RHOJ: variants seen among roughly 807,000 people sequenced by gnomAD.
The protein encoded by RHOJ is ras homolog family member J, also known as rho-related GTP-binding protein RhoJ.
RHOJ carries 11 observed loss-of-function variants against 23.4 expected under a neutral mutation model. The ratio of observed to expected loss-of-function variants is 0.47; its 90% confidence interval spans 0.30 to 0.78. The LOEUF is 0.78. RHOJ is among the 30% of genes least tolerant of loss of function. RHOJ has a pLI of 0.08. For synonymous variants in RHOJ, 102 were observed against 102.7 expected, an observed-to-expected ratio of 0.99 and a Z score of 0.04; for missense variants, 254 against 273.4, an observed-to-expected ratio of 0.93 and a Z score of 0.50.
At chr14:63,219,644 T>C (rs11625114) in intron 1 of RHOJ, among the ~76,000 whole-genome samples, 110,480 of 151,850 alleles carry the variant, frequency 0.73, 43,366 homozygotes, top group Middle Eastern at 0.9. Flanking sequence ...GGTGAAACCC[T>C]GTCTCTACTA....
intron 2 of RHOJ, among the ~76,000 whole-genome samples, chr14:63,280,158 G>T (rs575961010): frequency 6.6e-6 from 1 of 152,218 alleles, no homozygotes; most frequent in Admixed American, 6.5e-5. Context: ...TGAGTAGCTG[G>T]GACTACAGGC....
chr14:63,214,148 C>T (rs1181473004), intron 1 of RHOJ, among the ~76,000 whole-genome samples: 2 of 152,182 alleles, frequency 1.3e-5, no homozygotes, highest in Non-Finnish European at 2.9e-5. Context: ...CCCAGACTTG[C>T]CTGGCCATAA....
chr14:63,254,272 T>A (rs142624922), intron 1 of RHOJ, among the ~76,000 whole-genome samples: 1 of 152,130 alleles, frequency 6.6e-6, no homozygotes, highest in Non-Finnish European at 1.5e-5. Flanking sequence ...CTGGGTCTCC[T>A]GGCATGCACA....
chr14:63,234,249 G>A (rs1481309317), intron 1 of RHOJ, among the ~76,000 whole-genome samples: 1 of 152,162 alleles, frequency 6.6e-6, no homozygotes, highest in Non-Finnish European at 1.5e-5. Context: ...AGCATACAGT[G>A]GGTCAAGCAT....
At chr14:63,270,186 T>C (rs1037240624) in intron 2 of RHOJ, among the ~76,000 whole-genome samples, 8 of 149,734 alleles carry the variant, frequency 5.3e-5, no homozygotes, top group Admixed American at 1.3e-4. Context: ...TTTTTTTTTT[T>C]CACAATTGTT....
intron 1 of RHOJ, among the ~76,000 whole-genome samples, chr14:63,217,221 A>C (rs991614137): frequency 1.4e-5 from 2 of 145,842 alleles, no homozygotes; most frequent in Non-Finnish European, 3.1e-5. Context: ...ATATCTCCCA[A>C]TGCTATCCCT....
chr14:63,276,553 A>G (rs1439724139), intron 2 of RHOJ, among the ~76,000 whole-genome samples: 1 of 152,182 alleles, frequency 6.6e-6, no homozygotes, highest in Non-Finnish European at 1.5e-5. Context: ...AGTGCTACGC[A>G]TTCAGTAGGC....
intron 1 of RHOJ, among the ~76,000 whole-genome samples, chr14:63,268,230 T>C (rs1468206383): frequency 1.3e-5 from 2 of 152,282 alleles, no homozygotes. Context: ...TTTTTGGAAA[T>C]TTAAATTTGC....
intron 1 of RHOJ, among the ~76,000 whole-genome samples, chr14:63,267,057 G>A (rs2139653262): frequency 6.6e-6 from 1 of 152,278 alleles, no homozygotes; most frequent in Non-Finnish European, 1.5e-5. Context: ...ATGCTCCATG[G>A]CAGGAAGAAT....
At chr14:63,286,764 C>T (rs1306440412) in intron 4 of RHOJ, among the ~76,000 whole-genome samples, 1 of 152,182 alleles carries the variant, frequency 6.6e-6, no homozygotes, top group East Asian at 1.9e-4. Context: ...CCATATTATC[C>T]TATACTCAAG....
At chr14:63,256,143 G>C (rs993906253) in intron 1 of RHOJ, among the ~76,000 whole-genome samples, 1 of 152,014 alleles carries the variant, frequency 6.6e-6, no homozygotes, top group Non-Finnish European at 1.5e-5. Context: ...TCCTGCTTTG[G>C]CCTTCTGAAG....
chr14:63,277,966 A>AACACACAC (rs34023824), intron 2 of RHOJ, among the ~76,000 whole-genome samples: 1,567 of 141,490 alleles, frequency 0.011, 22 homozygotes, highest in African/African-American at 0.017. Context: ...CAGCTACACA[A>AACACACAC]ACACACACAC....
chr14:63,279,663 C>T (rs1000060517), intron 2 of RHOJ, among the ~76,000 whole-genome samples: 4 of 152,220 alleles, frequency 2.6e-5, no homozygotes, highest in Admixed American at 2.6e-4. Context: ...TGAGCATATT[C>T]TGCTCTGAAA....
In RHOJ at chr14:63,224,951, C is replaced by CTT. The variant is rs34008880; in HGVS notation, c.178+19922_178+19923dup. On this transcript the variant is annotated intron_variant, in intron 1 of 4. Coordinates refer to ENST00000316754, the MANE Select transcript of RHOJ (RefSeq NM_020663.5). ...TCACTTAAATAAACTATCATTTATA[C>CTT]TTTTTTTTTTTTTTTTTTTGAGATG... Among the ~76,000 whole-genome samples the CTT allele has an allele frequency of 5.8e-3, 655 of 113,800 alleles. 6 individuals are homozygous for CTT. The highest frequency in any genetic ancestry group is 0.015 in the East Asian group (63 of 4,090). The allele number at this position is 113,800 out of a possible 152,430, so 74.7% of individuals were successfully genotyped here.
At chr14:63,252,911 T>C (rs1242735474) in intron 1 of RHOJ, among the ~76,000 whole-genome samples, 2 of 152,176 alleles carry the variant, frequency 1.3e-5, no homozygotes, top group African/African-American at 2.4e-5. Context: ...CCACACCTGA[T>C]AGAAGCACCT....
chr14:63,223,369 C>T (rs997741833), intron 1 of RHOJ, among the ~76,000 whole-genome samples: 1 of 152,170 alleles, frequency 6.6e-6, no homozygotes, highest in Non-Finnish European at 1.5e-5. Flanking sequence ...CCTCTTCATC[C>T]AAGTTTACAT....
chr14:63,270,089 T>C (rs764334987), intron 2 of RHOJ, among the ~76,000 whole-genome samples: 2 of 152,108 alleles, frequency 1.3e-5, no homozygotes, highest in African/African-American at 2.4e-5. Flanking sequence ...CTTAAATTCT[T>C]TGGAGTGAAC....
intron 1 of RHOJ, among the ~76,000 whole-genome samples, chr14:63,228,569 T>G (rs1022341542): frequency 6.6e-6 from 1 of 152,006 alleles, no homozygotes; most frequent in Non-Finnish European, 1.5e-5. Context: ...CTGATAAAGT[T>G]GTATGTGAAA....
intron 1 of RHOJ, among the ~76,000 whole-genome samples, chr14:63,261,110 G>A (rs541133238): frequency 7.2e-5 from 11 of 152,156 alleles, no homozygotes; most frequent in East Asian, 5.8e-4. Flanking sequence ...TCTTCTCTTC[G>A]TCATTGCCAA....
Sources: gnomAD v4.1 joint callset for allele counts (sites outside exome capture counted in the v4.1 genomes callset) on GRCh38, gnomAD v4.1.1 for gene constraint, MANE v1.5 for transcripts, NCBI Gene and HGNC (gene_info 2026-07-23, HGNC 2026-07-21) for gene names.